Variants in CEP170B observed in about 807,000 individuals in gnomAD.
CEP170B encodes the protein centrosomal protein of 170 kDa protein B.
A neutral mutation model predicts 120.6 loss-of-function variants in CEP170B; 55 were observed. The ratio of observed to expected loss-of-function variants is 0.46; its 90% CI spans 0.37 to 0.57. CEP170B has a LOEUF of 0.57. Among genes scored for constraint, CEP170B ranks in the 20% least tolerant of loss-of-function variants. The pLI, the probability that CEP170B is intolerant of heterozygous loss-of-function variation, is 0.00. For missense variants in CEP170B, 2,212 were observed against 2,253.3 expected, an observed-to-expected ratio of 0.98 and a Z score of 0.37; for synonymous variants, 1,033 against 954.5, an observed-to-expected ratio of 1.08 and a Z score of -1.52.
rs1595337610 is a variant in CEP170B, at chr14:104,882,777, T to A, written c.522T>A (p.Gly174=). The change falls in exon 7 of 19, where the codon GGT becomes GGA. Residue 174 remains glycine, a synonymous_variant. Transcript: ENST00000414716. ...TGTATGGGCAGCCCTCCTGGTGGGGTGAGGACGATGGTAGCACGCTGCCTG... is the reference window on the plus strand; with the variant it reads ...TGTATGGGCAGCCCTCCTGGTGGGGAGAGGACGATGGTAGCACGCTGCCTG... ...TPLYGQPSWW[G]EDDGSTLPDA... 7 of 1,610,836 alleles carry A rather than the reference T, an allele frequency of 4.3e-6. No homozygotes were observed. The South Asian group carries it at 7.7e-5, about 18-fold the overall frequency.
Position 104,885,546 on chromosome 14 carries a change from C to T in CEP170B, c.1944+4C>T. ...GGCCCCCCAGGCGGAGCACCAGGTA[C>T]AGGCACAGACGGCCACCCCAAGGAG... On this transcript the variant is annotated splice_donor_region_variant and intron_variant, in intron 10 of 18. Transcript: ENST00000414716. 2 of 1,554,408 alleles carry T rather than the reference C, an allele frequency of 1.3e-6. No homozygotes were observed. Among genetic ancestry groups the T allele is most frequent in the Non-Finnish European group, 1.7e-6 (2 of 1,156,212 alleles).
rs1025130965 is a variant in CEP170B, at chr14:104,867,770, C to T, written c.-27-654C>T. ...CTATGGGCACCAAAGCCTCACTTCCCTCTTGGGCACTGAAGGGGCTGCCTG... is the reference window on the plus strand; with the variant it reads ...CTATGGGCACCAAAGCCTCACTTCCTTCTTGGGCACTGAAGGGGCTGCCTG... On this transcript the variant is annotated intron_variant, in intron 1 of 18. Coordinates refer to ENST00000414716, the MANE Select transcript of CEP170B (RefSeq NM_001112726.3). The surrounding 1 kb of genome is among the most constrained non-coding windows in gnomAD (Gnocchi z 5.4). Among the ~76,000 whole-genome samples the T allele has an allele frequency of 1.3e-5, 2 of 152,116 alleles. No individual in the cohort carries two copies. The highest frequency in any genetic ancestry group is 4.8e-5 in the African/African-American group (2 of 41,414).
chr14:104,884,295 C>T lies in CEP170B; in HGVS notation c.1516C>T (p.Gln506Ter). ...CCGCCTGGCCCAGGACTTCATGGCCCAGTGTCTGCGGGAGAGCTCCCCGGC... is the reference window on the plus strand; with the variant it reads ...CCGCCTGGCCCAGGACTTCATGGCCTAGTGTCTGCGGGAGAGCTCCCCGGC... ...RSRLAQDFMA[Q>*]CLRESSPAAR... The change falls in exon 9 of 19, where the codon CAG becomes TAG. Residue 506 changes from glutamine (Q) to a stop codon, truncating the protein, a stop_gained. Coordinates refer to ENST00000414716, the MANE Select transcript of CEP170B (RefSeq NM_001112726.3). LOFTEE classifies it high-confidence loss of function. 3 of 1,544,556 alleles carry T rather than the reference C, an allele frequency of 1.9e-6. No homozygotes were observed. The highest frequency in any genetic ancestry group is 2.6e-6 in the Non-Finnish European group (3 of 1,145,436).
Position 104,893,629 on chromosome 14 carries a change from C to T in CEP170B, c.4145C>T (p.Ala1382Val). The T allele has an allele frequency of 1.3e-6, 2 of 1,596,318 alleles. No homozygotes were observed. Among genetic ancestry groups the T allele is most frequent in the South Asian group, 2.3e-5 (2 of 88,164 alleles). Residue 1382 changes from alanine to valine, a missense_variant, in exon 15 of 19, where the codon GCC (alanine) becomes GTC (valine). Transcript: ENST00000414716. Reference sequence around the variant, plus strand: ...AACATGAACGACAGCTGTGAGGACGCCCTGGCCAACAAGACGCGGCCTCGG... The same window carrying T: ...AACATGAACGACAGCTGTGAGGACGTCCTGGCCAACAAGACGCGGCCTCGG... ...DQNMNDSCED[A>V]LANKTRPRNR... is the part of the protein sequence containing the mutation.
intron 2 of CEP170B, among the ~76,000 whole-genome samples, chr14:104,869,591 G>A (rs888713871): frequency 1.2e-4 from 19 of 152,160 alleles, no homozygotes; most frequent in African/African-American, 2.7e-4. Context: ...CCTGCAATTC[G>A]GAGGTTGAAG....
At chr14:104,869,284 G>C (rs1417523053) in intron 2 of CEP170B, among the ~76,000 whole-genome samples, 1 of 152,178 alleles carries the variant, frequency 6.6e-6, no homozygotes, top group Non-Finnish European at 1.5e-5. Flanking sequence ...TCATCCCCCA[G>C]CGTGGCACGT....
Position 104,884,565 on chromosome 14 carries a change from G to A in CEP170B, c.1770+16G>A, listed in dbSNP as rs1347681605. The A allele has an allele frequency of 1.1e-5, 16 of 1,510,140 alleles. No individual in the cohort carries two copies. The highest frequency in any genetic ancestry group is 4.5e-5 in the African/African-American group (3 of 66,298). 93.5% of individuals were successfully genotyped at this position (1,510,140 alleles called of 1,614,324 possible). A position where few individuals can be genotyped will look rare whatever the true frequency, so the allele number is the denominator to read the frequency against. ...GATCGACCAGGTGCAGCCCAGCGGCGAGTGAGAGCCCTCGTGGGGAACGGG... is the reference window on the plus strand; with the variant it reads ...GATCGACCAGGTGCAGCCCAGCGGCAAGTGAGAGCCCTCGTGGGGAACGGG... On this transcript the variant is annotated intron_variant, in intron 9 of 18. Coordinates refer to ENST00000414716, the MANE Select transcript of CEP170B (RefSeq NM_001112726.3).
chr14:104,877,136 C>T (rs999007665), intron 3 of CEP170B, among the ~76,000 whole-genome samples: 1 of 152,104 alleles, frequency 6.6e-6, no homozygotes, highest in African/African-American at 2.4e-5. Flanking sequence ...GAGCTCCGGC[C>T]AGGGGGTCTC....
Position 104,867,779 on chromosome 14 carries a change from A to G in CEP170B, c.-27-645A>G, listed in dbSNP as rs970441246. Among the ~76,000 whole-genome samples the G allele has an allele frequency of 1.3e-5, 2 of 151,648 alleles. No homozygotes were observed. Among genetic ancestry groups the G allele is most frequent in the African/African-American group, 4.8e-5 (2 of 41,258 alleles). Reference sequence around the variant, plus strand: ...CCAAAGCCTCACTTCCCTCTTGGGCACTGAAGGGGCTGCCTGATGCTGTCC... The same window carrying G: ...CCAAAGCCTCACTTCCCTCTTGGGCGCTGAAGGGGCTGCCTGATGCTGTCC... On this transcript the variant is annotated intron_variant, in intron 1 of 18. Transcript: ENST00000414716. The surrounding 1 kb of genome is among the most constrained non-coding windows in gnomAD (Gnocchi z 5.4).
In CEP170B at chr14:104,880,411, G is replaced by A. The variant is rs372939669; in HGVS notation, c.458G>A (p.Arg153Gln). Residue 153 changes from arginine (R) to glutamine (Q), a missense_variant, in exon 6 of 19, where the codon CGG (arginine) becomes CAG (glutamine). Coordinates refer to ENST00000414716, the MANE Select transcript of CEP170B (RefSeq NM_001112726.3). ...ASNPRPEKGD[R>Q]RPGTEAASYR... is the part of the protein sequence containing the mutation. Reference sequence around the variant, plus strand: ...AACCCCAGGCCGGAGAAGGGGGACCGGAGACCAGGAACAGGTAGGCCCAGG... The same window carrying A: ...AACCCCAGGCCGGAGAAGGGGGACCAGAGACCAGGAACAGGTAGGCCCAGG... The A allele has an allele frequency of 5.7e-5, 92 of 1,612,202 alleles. No homozygotes were observed. Among genetic ancestry groups the A allele is most frequent in the Non-Finnish European group, 6.0e-5 (71 of 1,179,568 alleles).
chr14:104,873,370 A>ATGCG (rs1895677500), intron 2 of CEP170B, among the ~76,000 whole-genome samples: 2 of 151,392 alleles, frequency 1.3e-5, no homozygotes, highest in African/African-American at 4.9e-5. Flanking sequence ...CTGGGCAAGG[A>ATGCG]TGCGGTGTGC....
Position 104,884,232 on chromosome 14 carries a change from A to T in CEP170B, c.1453A>T (p.Thr485Ser). The change falls in exon 9 of 19, where the codon ACC (threonine) becomes TCC (serine). Residue 485 changes from threonine to serine, a missense_variant. Coordinates refer to ENST00000414716, the MANE Select transcript of CEP170B (RefSeq NM_001112726.3). ...RLGSPSPASR[T>S]PARPFGSVGR... The stretch of plus-strand genomic sequence containing the variant: ...GGGCAGCCCCTCGCCCGCCTCCCGA[A>T]CCCCTGCCCGCCCCTTCGGAAGCGT... 6.5e-7 allele frequency: 1 copy of T among 1,542,142 alleles called. No individual in the cohort carries two copies. The highest frequency in any genetic ancestry group is 8.7e-7 in the Non-Finnish European group (1 of 1,146,286).
At chr14:104,885,908 C>A in intron 10 of CEP170B, 132 bp from the exon 11 acceptor site, 3 of 817,738 alleles carry the variant, frequency 3.7e-6, no homozygotes, top group Non-Finnish European at 5.6e-6. Context: ...CTTGCTCATG[C>A]GGCAGGCCCT....
chr14:104,889,905 A>AATGGATGGAGGG, intron 13 of CEP170B, 147 bp downstream of exon 13: 1 of 136,238 alleles, frequency 7.3e-6, no homozygotes. Context: ...TGGATGGACA[A>AATGGATGGAGGG]ATGGATGGAT....
In CEP170B at chr14:104,868,437, C is replaced by T; in HGVS notation, c.-14C>T. 6 of 1,547,896 alleles carry T rather than the reference C, an allele frequency of 3.9e-6. No homozygotes were observed. The highest frequency in any genetic ancestry group is 5.2e-6 in the Non-Finnish European group (6 of 1,146,670). The stretch of plus-strand genomic sequence containing the variant: ...CCTCTTCCCCAGGGCCAGACGGGCC[C>T]AGCCAGCACCAAGATGAGTGCCACG... On this transcript the variant is annotated 5_prime_UTR_variant, in exon 2 of 19. Transcript: ENST00000414716. The surrounding 1 kb of genome is among the most constrained non-coding windows in gnomAD (Gnocchi z 5.9).
At position 104,885,392 on chromosome 14, in the gene CEP170B, T is replaced by G; in HGVS notation, c.1794T>G (p.Pro598=). ...IDQVFGVLES[P]ELSRASSATF... is the part of the protein sequence containing the mutation. Reference sequence around the variant, plus strand: ...AGGTCTTTGGGGTGTTGGAGTCCCCTGAACTCTCCAGGGCATCTTCGGCCA... The same window carrying G: ...AGGTCTTTGGGGTGTTGGAGTCCCCGGAACTCTCCAGGGCATCTTCGGCCA... Residue 598 remains proline (P), a synonymous_variant, in exon 10 of 19, where the codon CCT becomes CCG. Transcript: ENST00000414716. The G allele has an allele frequency of 1.3e-5, 20 of 1,570,198 alleles. No individual in the cohort carries two copies. Among genetic ancestry groups the G allele is most frequent in the Non-Finnish European group, 1.7e-5 (20 of 1,158,104 alleles).
Position 104,883,422 on chromosome 14 carries a change from A to G in CEP170B, c.965A>G (p.Asp322Gly). The G allele has an allele frequency of 6.4e-7, 1 of 1,573,210 alleles. No homozygotes were observed. The change falls in exon 8 of 19, where the codon GAC (aspartate) becomes GGC (glycine). Residue 322 changes from aspartate (D) to glycine (G), a missense_variant. Coordinates refer to ENST00000414716, the MANE Select transcript of CEP170B (RefSeq NM_001112726.3). ...GTGGCCGACTGGCTGGTGCAGAATGACCCGAGCCTGCTGCACCGGGTTGGC... is the reference window on the plus strand; with the variant it reads ...GTGGCCGACTGGCTGGTGCAGAATGGCCCGAGCCTGCTGCACCGGGTTGGC... ...TKVADWLVQN[D>G]PSLLHRVGPG...
intron 5 of CEP170B, among the ~76,000 whole-genome samples, chr14:104,880,051 C>T (rs1896063706): frequency 6.6e-6 from 1 of 152,164 alleles, no homozygotes; most frequent in African/African-American, 2.4e-5. Flanking sequence ...CTGCCCCACC[C>T]AAGCAGGCCC....
At position 104,867,108 on chromosome 14, in the gene CEP170B, TC is replaced by T. The variant is rs1487991513; in HGVS notation, c.-27-1315del. ...GTTTTTGAATAAGGGTACCGCGTTT[TC>T]TTTTTGTGCTGGGCCCTGCAGTGAT... On this transcript the variant is annotated intron_variant, in intron 1 of 18. Transcript: ENST00000414716. The surrounding 1 kb of genome is among the most constrained non-coding windows in gnomAD (Gnocchi z 5.4). Among the ~76,000 whole-genome samples the T allele has an allele frequency of 1.3e-5, 2 of 152,208 alleles. No homozygotes were observed. Among genetic ancestry groups the T allele is most frequent in the African/African-American group, 4.8e-5 (2 of 41,442 alleles).
Sources: gnomAD v4.1 joint callset for allele counts (sites outside exome capture counted in the v4.1 genomes callset) on GRCh38, gnomAD v4.1.1 for gene constraint, Gnocchi (gnomAD v3.1) non-coding constraint, MANE v1.5 for transcripts, NCBI Gene and HGNC (gene_info 2026-07-23, HGNC 2026-07-21) for gene names.